Variants in KIF26B observed in about 807,000 individuals in gnomAD.
KIF26B encodes the protein kinesin-like protein KIF26B.
Under a neutral mutation model 151.2 loss-of-function variants are expected in KIF26B, and 63 were observed. The ratio of observed to expected loss-of-function variants is 0.42; its 90% CI spans 0.34 to 0.51. KIF26B has a LOEUF of 0.51. Ranked by LOEUF, KIF26B falls within the 20% of genes least tolerant of loss-of-function variation. The pLI is 0.07. For missense variants in KIF26B, 2,813 were observed against 2,913.6 expected, an observed-to-expected ratio of 0.97 and a Z score of 0.79; for synonymous variants, 1,357 against 1,262.1, an observed-to-expected ratio of 1.08 and a Z score of -1.59.
intron 4 of KIF26B, among the ~76,000 whole-genome samples, chr1:245,464,571 G>C (rs1450033023): frequency 1.4e-5 from 2 of 148,006 alleles, no homozygotes; most frequent in Non-Finnish European, 3.0e-5. Context: ...GTGGGTGTGT[G>C]GGTGTGTGTG....
At chr1:245,646,650 G>A (rs1025574413) in intron 10 of KIF26B, among the ~76,000 whole-genome samples, 2 of 152,102 alleles carry the variant, frequency 1.3e-5, no homozygotes, top group African/African-American at 4.8e-5. Flanking sequence ...TAGGGGTAGG[G>A]CCACCAGACT....
chr1:245,692,051 C>T (rs2044631928), intron 12 of KIF26B, among the ~76,000 whole-genome samples: 1 of 152,180 alleles, frequency 6.6e-6, no homozygotes, highest in Non-Finnish European at 1.5e-5. Context: ...GCCATGGTCT[C>T]TCTGCTGCCC....
intron 4 of KIF26B, among the ~76,000 whole-genome samples, chr1:245,433,477 AAAGAAGAAGAAG>A (rs549915125): frequency 6.8e-6 from 1 of 147,742 alleles, no homozygotes; most frequent in African/African-American, 2.5e-5. Flanking sequence ...AAAAAAAAAA[AAAGAAGAAGAAG>A]AAGAAGAAGA....
At chr1:245,212,689 G>C (rs1669564029) in intron 2 of KIF26B, among the ~76,000 whole-genome samples, 1 of 151,866 alleles carries the variant, frequency 6.6e-6, no homozygotes, top group Admixed American at 6.6e-5. Context: ...TGAGCACTTG[G>C]TGTAACTTTG....
chr1:245,369,078 CA>C (rs1235154226), intron 3 of KIF26B, among the ~76,000 whole-genome samples: 2 of 151,986 alleles, frequency 1.3e-5, no homozygotes, highest in African/African-American at 4.8e-5. Flanking sequence ...GCGGAGGCTG[CA>C]GTGAGCCGAG....
intron 5 of KIF26B, among the ~76,000 whole-genome samples, chr1:245,557,543 AG>A (rs1662069631): frequency 6.6e-6 from 1 of 152,172 alleles, no homozygotes; most frequent in Non-Finnish European, 1.5e-5. Context: ...GTGGGGTATG[AG>A]GCCCGGTTTG....
chr1:245,348,081 T>G (rs1232228649), intron 2 of KIF26B, among the ~76,000 whole-genome samples: 1 of 152,238 alleles, frequency 6.6e-6, no homozygotes, highest in Non-Finnish European at 1.5e-5. Context: ...CGTAGATCAT[T>G]CCCTCCTTCC....
intron 2 of KIF26B, among the ~76,000 whole-genome samples, chr1:245,364,158 G>A (rs1320937687): frequency 1.3e-5 from 2 of 152,156 alleles, no homozygotes; most frequent in African/African-American, 2.4e-5. Context: ...AACACTGGGC[G>A]TGCAGGAAAC....
rs535555375 is a variant in KIF26B, at chr1:245,182,190, G to C, written c.465+25507G>C. On this transcript the variant is annotated intron_variant, in intron 2 of 14. Coordinates refer to ENST00000407071, the MANE Select transcript of KIF26B (RefSeq NM_018012.4). Reference sequence around the variant, plus strand: ...CACTATCTAATTTTAGAACATTTCTGTCACTCCACAAGGAAATGGCCCATT... The same window carrying C: ...CACTATCTAATTTTAGAACATTTCTCTCACTCCACAAGGAAATGGCCCATT... Among the ~76,000 whole-genome samples the C allele has an allele frequency of 2.6e-5, 4 of 152,202 alleles. No homozygotes were observed. The South Asian group carries it at 8.3e-4, about 32-fold the overall frequency.
chr1:245,245,917 C>A (rs1481870099), intron 2 of KIF26B, among the ~76,000 whole-genome samples: 1 of 111,904 alleles, frequency 8.9e-6, no homozygotes, highest in Non-Finnish European at 1.8e-5. Context: ...CAGAGTAAGA[C>A]TCCGTCTCAA....
intron 2 of KIF26B, among the ~76,000 whole-genome samples, chr1:245,195,299 C>T (rs1387381263): frequency 1.3e-5 from 2 of 152,176 alleles, no homozygotes; most frequent in African/African-American, 4.8e-5. Flanking sequence ...GCTTATTTGG[C>T]ACTGACTTTG....
intron 2 of KIF26B, among the ~76,000 whole-genome samples, chr1:245,331,408 C>A (rs1008214550): frequency 1.3e-5 from 2 of 152,174 alleles, no homozygotes; most frequent in African/African-American, 4.8e-5. Context: ...TTAAGAAAAG[C>A]CCGCAGTCGT....
intron 2 of KIF26B, among the ~76,000 whole-genome samples, chr1:245,202,872 C>T (rs1012654067): frequency 1.3e-5 from 2 of 150,882 alleles, no homozygotes; most frequent in East Asian, 2.0e-4. Flanking sequence ...ACCCAGGAGG[C>T]AGAGGTTGCA....
In KIF26B at chr1:245,367,184, G is replaced by A. The variant is rs1376862636; in HGVS notation, c.816G>A (p.Gly272=). 1 of 1,608,238 alleles carries A rather than the reference G, an allele frequency of 6.2e-7. No homozygotes were observed. Among genetic ancestry groups the A allele is most frequent in the East Asian group, 2.2e-5 (1 of 44,624 alleles). The change falls in exon 3 of 15, where the codon GGG becomes GGA. Residue 272 remains glycine, a synonymous_variant. Transcript: ENST00000407071. This position sits in a 1 kb window ranked among gnomAD's most constrained non-coding sequence, Gnocchi z 4.2. ...ACGGCAGCAAACCCAGCAGCCTTGG[G>A]GTCAGCAATGGGGCGGAAAAGAAGA... ...NKHGSKPSSL[G]VSNGAEKKSG...
chr1:245,371,607 G>T (rs1673129177), intron 3 of KIF26B: 2 of 152,194 alleles, frequency 1.3e-5, no homozygotes, highest in African/African-American at 4.8e-5. Flanking sequence ...AGGCTTTCCA[G>T]CAGTGAGCCT....
rs185955486 is a variant in KIF26B, at chr1:245,492,210, G to A, written c.1167-48557G>A. Among the ~76,000 whole-genome samples the A allele has an allele frequency of 2.2e-4, 33 of 152,294 alleles. 1 individual carries two copies. In the East Asian group the frequency reaches 4.4e-3, roughly 21 times the overall value. On this transcript the variant is annotated intron_variant, in intron 4 of 14. Coordinates refer to ENST00000407071, the MANE Select transcript of KIF26B (RefSeq NM_018012.4). The stretch of plus-strand genomic sequence containing the variant: ...CCCTTGAAGACAAGGGCTGAGCCGC[G>A]TCAGCTCTTTCCCAAAACACAATTT...
At chr1:245,548,854 C>T (rs931319555) in intron 5 of KIF26B, among the ~76,000 whole-genome samples, 1 of 151,946 alleles carries the variant, frequency 6.6e-6, no homozygotes, top group Non-Finnish European at 1.5e-5. Flanking sequence ...AGCAATTCTC[C>T]TGCCTCAGCC....
intron 12 of KIF26B, among the ~76,000 whole-genome samples, chr1:245,689,243 A>G (rs1052304243): frequency 9.9e-5 from 15 of 152,138 alleles, no homozygotes; most frequent in African/African-American, 3.6e-4. Context: ...CCTCTGTTCA[A>G]CAACCAAGGA....
chr1:245,436,247 C>A (rs1658929630), intron 4 of KIF26B, among the ~76,000 whole-genome samples: 1 of 151,852 alleles, frequency 6.6e-6, no homozygotes, highest in Admixed American at 6.6e-5. Flanking sequence ...ACACTGAATT[C>A]TAAACTCTCA....
Sources: allele counts gnomAD v4.1 joint callset (sites outside exome capture counted in the v4.1 genomes callset), GRCh38; gene constraint gnomAD v4.1.1; non-coding constraint Gnocchi (gnomAD v3.1); transcripts MANE v1.5; gene names NCBI Gene and HGNC (gene_info 2026-07-23, HGNC 2026-07-21).